The following IPO11 variants were observed in gnomAD, a reference collection of about 807,000 sequenced individuals.
IPO11 encodes importin-11.
A neutral mutation model predicts 143.2 loss-of-function variants in IPO11; 66 were observed. That is an observed-to-expected ratio of 0.46 (90% CI 0.38 to 0.57). IPO11 has a LOEUF of 0.57. Ranked by LOEUF, IPO11 falls within the 20% of genes least tolerant of loss-of-function variation. IPO11 has a pLI of 0.00. For synonymous variants in IPO11, 385 were observed against 377.8 expected (o/e 1.02, Z -0.22); for missense variants, 1,026 against 1,141.0 (o/e 0.90, Z 1.45).
chr5:62,504,109 A>G (rs1037553554), intron 16 of IPO11, among the ~76,000 whole-genome samples: 2 of 152,232 alleles, frequency 1.3e-5, no homozygotes, highest in Non-Finnish European at 1.5e-5. Context: ...GCTGGTACAC[A>G]TGGAAAATAT....
intron 29 of IPO11, among the ~76,000 whole-genome samples, chr5:62,620,842 C>A (rs1415310771): frequency 1.3e-5 from 2 of 152,188 alleles, no homozygotes; most frequent in Non-Finnish European, 2.9e-5. Context: ...AGCAGTCTTT[C>A]AGGTTAAATT....
chr5:62,424,705 T>A (rs1292498542), intron 1 of IPO11, among the ~76,000 whole-genome samples: 1 of 151,816 alleles, frequency 6.6e-6, no homozygotes, highest in East Asian at 1.9e-4. Context: ...GCCTCCCAAA[T>A]TGGTGGGATT....
intron 26 of IPO11, among the ~76,000 whole-genome samples, chr5:62,555,386 C>T (rs535487702): frequency 8.3e-4 from 127 of 152,100 alleles, no homozygotes; most frequent in African/African-American, 2.9e-3. Context: ...ACAATCATAG[C>T]TCACTGCAAC....
intron 27 of IPO11, among the ~76,000 whole-genome samples, chr5:62,583,124 A>C (rs2112410834): frequency 6.6e-6 from 1 of 152,324 alleles, no homozygotes; most frequent in Admixed American, 6.5e-5. Context: ...ATGGAAGAGC[A>C]ATCTTTTTGT....
rs866664494 is a variant in IPO11, at chr5:62,426,338, G to T, written c.-6-10936G>T. 2.0e-5 allele frequency among the ~76,000 whole-genome samples: 3 copies of T among 152,180 alleles called. No individual in the cohort carries two copies. In the South Asian group the frequency reaches 6.2e-4, roughly 31 times the overall value. ...GGAGGTGGAGCTTGCAGTGAGCTCA[G>T]ATTGTGCCATAGTCTTCCAGCCTGG... On this transcript the variant is annotated intron_variant, in intron 1 of 29. Transcript: ENST00000325324.
intron 22 of IPO11, among the ~76,000 whole-genome samples, chr5:62,533,699 C>G (rs1742636146): frequency 6.6e-6 from 1 of 152,078 alleles, no homozygotes; most frequent in South Asian, 2.1e-4. Flanking sequence ...AATTAAGCCA[C>G]TGGGCTAGTT....
intron 1 of IPO11, chr5:62,422,452 A>G (rs868540085): frequency 6.6e-6 from 1 of 152,302 alleles, no homozygotes; most frequent in African/African-American, 2.4e-5. Context: ...AGCAATAAGC[A>G]TAACTGCTGT....
At chr5:62,502,086 T>C (rs540971018) in intron 16 of IPO11, among the ~76,000 whole-genome samples, 57 of 152,374 alleles carry the variant, frequency 3.7e-4, no homozygotes, top group African/African-American at 1.3e-3. Flanking sequence ...TGCTTACCTT[T>C]GTAGCAGTAT....
At chr5:62,586,759 AAAAAAAAAAATAT>A (rs1481093085) in intron 27 of IPO11, among the ~76,000 whole-genome samples, 12 of 91,588 alleles carry the variant, frequency 1.3e-4, no homozygotes, top group Middle Eastern at 4.9e-3. Flanking sequence ...CTCCAAAAAA[AAAAAAAAAAATAT>A]ATATATATAT....
At chr5:62,572,104 G>C (rs1420799574) in intron 27 of IPO11, among the ~76,000 whole-genome samples, 1 of 152,124 alleles carries the variant, frequency 6.6e-6, no homozygotes, top group South Asian at 2.1e-4. Context: ...TCTCTGCCAG[G>C]CTATTGAGTA....
intron 24 of IPO11, among the ~76,000 whole-genome samples, chr5:62,541,318 C>T (rs1403081401): frequency 6.6e-6 from 1 of 151,616 alleles, no homozygotes; most frequent in African/African-American, 2.4e-5. Context: ...TTGTGGTGAG[C>T]CGAGATGACG....
intron 12 of IPO11, among the ~76,000 whole-genome samples, chr5:62,486,144 C>A (rs972837220): frequency 1.3e-5 from 2 of 151,768 alleles, no homozygotes; most frequent in Non-Finnish European, 2.9e-5. Flanking sequence ...CCACGCCCAG[C>A]TAATTTTTTG....
chr5:62,460,691 T>G (rs984072678), intron 5 of IPO11, among the ~76,000 whole-genome samples: 2 of 152,222 alleles, frequency 1.3e-5, no homozygotes, highest in Non-Finnish European at 2.9e-5. Context: ...GCACTGTTTC[T>G]TCTGGTTTAG....
At chr5:62,459,236 C>T (rs2112176793) in intron 5 of IPO11, among the ~76,000 whole-genome samples, 1 of 152,142 alleles carries the variant, frequency 6.6e-6, no homozygotes, top group Non-Finnish European at 1.5e-5. Context: ...GCCACAGTGT[C>T]CCTCCTGGGC....
chr5:62,535,409 G>A (rs1742701015), intron 22 of IPO11, among the ~76,000 whole-genome samples: 5 of 152,058 alleles, frequency 3.3e-5, no homozygotes, highest in Admixed American at 3.3e-4. Context: ...AAGTATGCAC[G>A]AGTCCAGGCT....
intron 18 of IPO11, 75 bp from the exon 19 acceptor site, chr5:62,506,166 C>A (rs1421024778): frequency 8.3e-6 from 6 of 724,288 alleles, no homozygotes; most frequent in African/African-American, 1.8e-5. Flanking sequence ...TTATTTCTTA[C>A]TTCTGTTCGT....
intron 1 of IPO11, among the ~76,000 whole-genome samples, chr5:62,427,409 C>G (rs1429443626): frequency 6.6e-6 from 1 of 152,086 alleles, no homozygotes; most frequent in Non-Finnish European, 1.5e-5. Context: ...GCATTTTTTC[C>G]TCCCAAACAA....
chr5:62,441,494 G>GC (rs1194703016), intron 2 of IPO11, among the ~76,000 whole-genome samples: 4 of 108,118 alleles, frequency 3.7e-5, no homozygotes, highest in African/African-American at 7.1e-5. Context: ...ACTGTGCCTG[G>GC]CCTTTTTTTT....
chr5:62,455,697 A>G (rs1324141997), intron 5 of IPO11, among the ~76,000 whole-genome samples: 1 of 152,116 alleles, frequency 6.6e-6, no homozygotes, highest in Non-Finnish European at 1.5e-5. Context: ...CGAAATCAGC[A>G]GTTGAGAGCA....
Sources: allele counts gnomAD v4.1 joint callset (sites outside exome capture counted in the v4.1 genomes callset), GRCh38; gene constraint gnomAD v4.1.1; transcripts MANE v1.5; gene names NCBI Gene and HGNC (gene_info 2026-07-23, HGNC 2026-07-21).